Variants in EYS observed in about 807,000 individuals in gnomAD.
EYS encodes EGF-like photoreceptor maintenance factor.
A neutral mutation model predicts 282.1 loss-of-function variants in EYS; 250 were observed. The observed-to-expected ratio is 0.89, with a 90% CI of 0.80 to 0.98. The LOEUF is 0.98. EYS is among the 50% of genes least tolerant of loss of function. The pLI, the probability that EYS is intolerant of heterozygous loss-of-function variation, is 0.00. For missense variants in EYS, 4,016 were observed against 3,709.0 expected (o/e 1.08, Z -2.15); for synonymous variants, 1,355 against 1,282.9 (o/e 1.06, Z -1.20).
intron 26 of EYS, among the ~76,000 whole-genome samples, chr6:64,457,081 T>C (rs1284503626): frequency 3.3e-5 from 5 of 151,976 alleles, no homozygotes; most frequent in African/African-American, 1.2e-4. Flanking sequence ...TCATTTTTGT[T>C]TGTCTTAAGA....
In EYS at chr6:65,057,740, G is replaced by GAAA; in HGVS notation, c.2024-14_2024-13insTTT. 5 of 1,436,374 alleles carry GAAA rather than the reference G, an allele frequency of 3.5e-6. No homozygotes were observed. Among genetic ancestry groups the GAAA allele is most frequent in the Non-Finnish European group, 4.8e-6 (5 of 1,049,972 alleles). 89.0% of individuals were successfully genotyped at this position (1,436,374 alleles called of 1,614,324 possible). A position where few individuals can be genotyped will look rare whatever the true frequency, so the allele number is the denominator to read the frequency against. ...TCACATTGCGTACCTTTGGAAAATA[G>GAAA]GAAAAAAAAATGTTAAGTGTTAACA... On this transcript the variant is annotated splice_polypyrimidine_tract_variant and intron_variant, in intron 12 of 42. Transcript: ENST00000503581.
chr6:65,492,396 A>T (rs1307710279), intron 4 of EYS, among the ~76,000 whole-genome samples: 2 of 151,364 alleles, frequency 1.3e-5, no homozygotes, highest in East Asian at 3.9e-4. Flanking sequence ...AGAAGGAAAG[A>T]AGGAAGGAAG....
At chr6:64,771,113 A>G (rs904782668) in intron 22 of EYS, among the ~76,000 whole-genome samples, 3 of 151,642 alleles carry the variant, frequency 2.0e-5, no homozygotes, top group Non-Finnish European at 3.0e-5. Flanking sequence ...ATTCTCTTTA[A>G]CAACTATTCA....
chr6:64,451,559 A>G (rs1347222835), intron 26 of EYS, among the ~76,000 whole-genome samples: 4 of 152,180 alleles, frequency 2.6e-5, no homozygotes, highest in African/African-American at 9.6e-5. Context: ...ACAACAAAAA[A>G]AGAGAATTTT....
intron 30 of EYS, among the ~76,000 whole-genome samples, chr6:64,260,871 T>G (rs1266706065): frequency 6.6e-6 from 1 of 152,020 alleles, no homozygotes; most frequent in Non-Finnish European, 1.5e-5. Context: ...TTGTATATCT[T>G]TTTTTAGTTT....
intron 12 of EYS, among the ~76,000 whole-genome samples, chr6:65,085,715 G>C (rs181140349): frequency 6.6e-6 from 1 of 151,984 alleles, no homozygotes; most frequent in Admixed American, 6.6e-5. Flanking sequence ...AAAGTTCAAG[G>C]CTTTCCATAG....
At chr6:65,353,965 A>G (rs887381770) in intron 8 of EYS, among the ~76,000 whole-genome samples, 4 of 152,082 alleles carry the variant, frequency 2.6e-5, no homozygotes, top group African/African-American at 9.7e-5. Context: ...TAAAACACTT[A>G]TAACGGTTGA....
intron 22 of EYS, among the ~76,000 whole-genome samples, chr6:64,690,009 G>T (rs1770313489): frequency 6.6e-6 from 1 of 151,986 alleles, no homozygotes; most frequent in African/African-American, 2.4e-5. Context: ...CTTCTGCACA[G>T]TAAAAGAAAC....
chr6:63,757,895 CT>C (rs1412846243), intron 41 of EYS, among the ~76,000 whole-genome samples: 3 of 151,992 alleles, frequency 2.0e-5, no homozygotes, highest in Non-Finnish European at 4.4e-5. Flanking sequence ...GAATGAGTTT[CT>C]TTGTTTGTTT....
chr6:64,634,809 T>C (rs1460926360), intron 22 of EYS, among the ~76,000 whole-genome samples: 1 of 152,218 alleles, frequency 6.6e-6, no homozygotes, highest in East Asian at 1.9e-4. Context: ...ATTCCACTTT[T>C]AAGAACATTC....
At chr6:64,786,863 G>A (rs1408924454) in intron 22 of EYS, among the ~76,000 whole-genome samples, 2 of 152,164 alleles carry the variant, frequency 1.3e-5, no homozygotes, top group East Asian at 3.9e-4. Flanking sequence ...TCCTGGGGCT[G>A]GCACTCAGCT....
chr6:64,384,302 G>A (rs968803320), intron 29 of EYS, among the ~76,000 whole-genome samples: 4 of 151,946 alleles, frequency 2.6e-5, no homozygotes, highest in African/African-American at 9.7e-5. Flanking sequence ...CTTCTTTACT[G>A]TGTTGAAATT....
At chr6:64,356,858 T>G (rs1371228854) in intron 29 of EYS, among the ~76,000 whole-genome samples, 1 of 151,628 alleles carries the variant, frequency 6.6e-6, no homozygotes, top group African/African-American at 2.4e-5. Flanking sequence ...ACGGGTGCTA[T>G]TGCCCTCAGC....
chr6:63,848,620 G>T (rs1307646662), intron 36 of EYS, among the ~76,000 whole-genome samples: 2 of 151,946 alleles, frequency 1.3e-5, no homozygotes, highest in African/African-American at 4.8e-5. Flanking sequence ...AGCTGTGAGG[G>T]GCTGTGTCAC....
At chr6:64,221,403 C>T (rs767179010) in intron 31 of EYS, among the ~76,000 whole-genome samples, 1 of 151,950 alleles carries the variant, frequency 6.6e-6, no homozygotes, top group Non-Finnish European at 1.5e-5. Context: ...GTTTTTCTGC[C>T]CTTTTGTCTA....
chr6:63,965,216 C>T (rs1766249241), intron 35 of EYS, among the ~76,000 whole-genome samples: 1 of 152,066 alleles, frequency 6.6e-6, no homozygotes, highest in Non-Finnish European at 1.5e-5. Context: ...TGTGTAAGAT[C>T]GATAATTCTT....
chr6:64,258,598 T>C (rs950485096), intron 30 of EYS, among the ~76,000 whole-genome samples: 91 of 152,200 alleles, frequency 6.0e-4, no homozygotes, highest in African/African-American at 2.1e-3. Context: ...AGCTATCCTG[T>C]TTCAAAGTCA....
At chr6:63,740,530 G>C (rs1769049127) in intron 41 of EYS, among the ~76,000 whole-genome samples, 1 of 152,182 alleles carries the variant, frequency 6.6e-6, no homozygotes, top group Non-Finnish European at 1.5e-5. Context: ...TTTGCTTGAA[G>C]AGCTGAATAT....
intron 39 of EYS, among the ~76,000 whole-genome samples, chr6:63,784,467 G>T (rs949706510): frequency 6.6e-6 from 1 of 152,126 alleles, no homozygotes; most frequent in African/African-American, 2.4e-5. Flanking sequence ...AATTTATAAA[G>T]AAAAGAGATT....
Sources: allele counts gnomAD v4.1 joint callset (sites outside exome capture counted in the v4.1 genomes callset), GRCh38; gene constraint gnomAD v4.1.1; transcripts MANE v1.5; gene names NCBI Gene and HGNC (gene_info 2026-07-23, HGNC 2026-07-21).